Variants in PON3 observed in about 807,000 individuals in gnomAD.
PON3 encodes the protein serum paraoxonase/lactonase 3.
A neutral mutation model predicts 36.3 loss-of-function variants in PON3; 37 were observed. The observed-to-expected ratio is 1.02, with a 90% CI of 0.78 to 1.34. The LOEUF is 1.34. Among genes scored for constraint, PON3 ranks in the 40% most tolerant of loss-of-function variants. The pLI is 0.00. For missense variants in PON3, 415 were observed against 426.5 expected (o/e 0.97, Z 0.24); for synonymous variants, 155 against 154.8 (o/e 1.00, Z -0.01).
intron 3 of PON3, among the ~76,000 whole-genome samples, chr7:95,388,509 A>T (rs1442058875): frequency 6.6e-6 from 1 of 152,228 alleles, no homozygotes; most frequent in East Asian, 1.9e-4. Flanking sequence ...AATTAGTTCA[A>T]CCATTGTGGA....
At chr7:95,373,155 A>T (rs761571971) in intron 3 of PON3, among the ~76,000 whole-genome samples, 2 of 152,188 alleles carry the variant, frequency 1.3e-5, no homozygotes, top group African/African-American at 4.8e-5. Flanking sequence ...ATATATATCA[A>T]TATCAATAAC....
rs1809021906 is a variant in PON3, at chr7:95,380,466, T to C, written c.202-8128A>G. Among the ~76,000 whole-genome samples the C allele has an allele frequency of 3.3e-5, 5 of 152,140 alleles. No individual in the cohort carries two copies. The South Asian group carries it at 1.0e-3, about 31-fold the overall frequency. ...TTAAAAACCTTGAAAAAAGATTAGA[T>C]GAATGGCTAACTAGAGTAACCAATG... On this transcript the variant is annotated intron_variant, in intron 3 of 8. Coordinates refer to ENST00000265627, the MANE Select transcript of PON3 (RefSeq NM_000940.3).
At chr7:95,375,255 CAT>C (rs772681062) in intron 3 of PON3, among the ~76,000 whole-genome samples, 90 of 149,276 alleles carry the variant, frequency 6.0e-4, no homozygotes, top group Non-Finnish European at 7.4e-4. Flanking sequence ...TATATGTATA[CAT>C]ATATATATGT....
At chr7:95,380,141 C>A (rs1440265712) in intron 3 of PON3, among the ~76,000 whole-genome samples, 1 of 152,198 alleles carries the variant, frequency 6.6e-6, no homozygotes, top group African/African-American at 2.4e-5. Flanking sequence ...AGCTGACGGT[C>A]CTCACTCTTA....
intron 1 of PON3, among the ~76,000 whole-genome samples, chr7:95,395,486 A>ATT (rs1809409027): frequency 6.6e-6 from 1 of 152,208 alleles, no homozygotes; most frequent in Non-Finnish European, 1.5e-5. Flanking sequence ...GTAACAATAA[A>ATT]ACTCTCAAAC....
chr7:95,394,852 C>T, intron 1 of PON3, 138 bp from the exon 2 acceptor site: 1 of 734,224 alleles, frequency 1.4e-6, no homozygotes, highest in East Asian at 2.7e-5. Flanking sequence ...TAAGTAGGTA[C>T]TTCCTTTCAT....
chr7:95,363,781 T>A, intron 6 of PON3, 82 bp downstream of exon 6: 2 of 1,334,590 alleles, frequency 1.5e-6, no homozygotes, highest in Non-Finnish European at 2.2e-6. Flanking sequence ...TAAGCCTAAG[T>A]AAGGAAGTAA....
chr7:95,392,558 T>TTC (rs1752663669), intron 2 of PON3, among the ~76,000 whole-genome samples: 1 of 152,196 alleles, frequency 6.6e-6, no homozygotes, highest in Non-Finnish European at 1.5e-5. Flanking sequence ...TTTCCTTATT[T>TTC]TTAAAATCAA....
At chr7:95,394,549 T>C in intron 2 of PON3, 95 bp downstream of exon 2, 1 of 1,085,352 alleles carries the variant, frequency 9.2e-7, no homozygotes, top group Non-Finnish European at 1.4e-6. Flanking sequence ...AGGGCTTAAG[T>C]AGTGACAGGT....
rs528501095 is a variant in PON3, at chr7:95,377,544, G to A, written c.202-5206C>T. The stretch of plus-strand genomic sequence containing the variant: ...GGGCTGACAGATACCTCATACAGGC[G>A]GATGCCCCTCTGGGATGAAGCTTCC... On this transcript the variant is annotated intron_variant, in intron 3 of 8. Coordinates refer to ENST00000265627, the MANE Select transcript of PON3 (RefSeq NM_000940.3). 7.1e-4 allele frequency: 302 copies of A among 426,386 alleles called. 1 individual carries two copies. The highest frequency in any genetic ancestry group is 1.2e-3 in the Non-Finnish European group (247 of 212,664). 26.4% of individuals were successfully genotyped at this position (426,386 alleles called of 1,614,324 possible). A position where few individuals can be genotyped will look rare whatever the true frequency, so the allele number is the denominator to read the frequency against.
chr7:95,363,588 T>G, intron 6 of PON3: 1 of 472,700 alleles, frequency 2.1e-6, no homozygotes, highest in Non-Finnish European at 3.9e-6. Context: ...TTGTAGTGTG[T>G]TAGGAAAGTG....
chr7:95,393,074 AG>A (rs1358310519), intron 2 of PON3, among the ~76,000 whole-genome samples: 1 of 152,220 alleles, frequency 6.6e-6, no homozygotes, highest in African/African-American at 2.4e-5. Flanking sequence ...CTCTAAGACT[AG>A]GGAGTGCAAG....
chr7:95,365,682 T>C (rs932944976), intron 5 of PON3: 4 of 152,166 alleles, frequency 2.6e-5, no homozygotes, highest in African/African-American at 9.7e-5. Context: ...ATGTATTGCC[T>C]CGCAGTTTTG....
At chr7:95,369,043 C>A (rs918520092) in intron 4 of PON3, among the ~76,000 whole-genome samples, 1 of 152,166 alleles carries the variant, frequency 6.6e-6, no homozygotes, top group Non-Finnish European at 1.5e-5. Flanking sequence ...AGAAGTGAGA[C>A]CTCCTCTGTC....
At chr7:95,373,327 T>C (rs1007212702) in intron 3 of PON3, among the ~76,000 whole-genome samples, 5 of 152,208 alleles carry the variant, frequency 3.3e-5, no homozygotes, top group African/African-American at 1.2e-4. Context: ...CTGCTCCCTC[T>C]TGAGGTAGTC....
intron 3 of PON3, among the ~76,000 whole-genome samples, chr7:95,384,433 G>C (rs1329866054): frequency 6.6e-6 from 1 of 152,122 alleles, no homozygotes; most frequent in African/African-American, 2.4e-5. Flanking sequence ...CAGAATGCAA[G>C]AAAATTTTTT....
At position 95,363,889 on chromosome 7, in the gene PON3, A is replaced by G. The variant is rs1356500728; in HGVS notation, c.669T>C (p.Asn223=). ...KVVAKGFCSA[N]GITVSADQKY... ...TCTGGTCTGCTGAGACTGTGATCCC[A>G]TTGGCACTACAAAATCCTTTGGCCA... Residue 223 remains asparagine, a synonymous_variant, in exon 6 of 9, where the codon AAT becomes AAC. Coordinates refer to ENST00000265627, the MANE Select transcript of PON3 (RefSeq NM_000940.3). 1.9e-6 allele frequency: 3 copies of G among 1,613,664 alleles called. No individual in the cohort carries two copies. Among genetic ancestry groups the G allele is most frequent in the South Asian group, 2.2e-5 (2 of 91,072 alleles).
At chr7:95,383,600 A>T (rs1193318811) in intron 3 of PON3, among the ~76,000 whole-genome samples, 1 of 152,228 alleles carries the variant, frequency 6.6e-6, no homozygotes, top group Non-Finnish European at 1.5e-5. Flanking sequence ...ACTCCCATTC[A>T]CAATTGCTTC....
At chr7:95,384,543 A>G (rs1241033373) in intron 3 of PON3, among the ~76,000 whole-genome samples, 1 of 152,240 alleles carries the variant, frequency 6.6e-6, no homozygotes, top group Admixed American at 6.5e-5. Context: ...GGCAACGGAT[A>G]TGAACAGACA....
Sources: allele counts gnomAD v4.1 joint callset (sites outside exome capture counted in the v4.1 genomes callset), GRCh38; gene constraint gnomAD v4.1.1; transcripts MANE v1.5; gene names NCBI Gene and HGNC (gene_info 2026-07-23, HGNC 2026-07-21).